Variants in ITPK1 observed in about 807,000 individuals in gnomAD.
ITPK1 encodes the protein inositol 1,3,4-trisphosphate 5/6-kinase.
In ITPK1, 21 loss-of-function variants were observed where a neutral mutation model predicts 45.3. That is an observed-to-expected ratio of 0.46 (90% CI 0.33 to 0.67). ITPK1 has a LOEUF of 0.67. ITPK1 is among the 30% of genes least tolerant of loss of function. The probability of loss-of-function intolerance (pLI) is 0.02; values close to 1 mark genes in which losing one functional copy is unlikely to be tolerated. For missense variants in ITPK1, 474 were observed against 573.5 expected (o/e 0.83, Z 1.77); for synonymous variants, 258 against 253.6 (o/e 1.02, Z -0.16).
rs1887979882 is a variant in ITPK1 at position 92,952,026 on chromosome 14, C to A, written c.671-13G>T. 6.4e-7 allele frequency: 1 copy of A among 1,561,298 alleles called. No homozygotes were observed. Among genetic ancestry groups the A allele is most frequent in the Middle Eastern group, 1.7e-4 (1 of 5,994 alleles). Reference sequence around the variant, plus strand: ...ATGGACTCACGGTCTGAAAAAGCGACAGGAAGGAGCCGGCGTTAGAACCTC... The same window carrying A: ...ATGGACTCACGGTCTGAAAAAGCGAAAGGAAGGAGCCGGCGTTAGAACCTC... On this transcript the variant is annotated splice_polypyrimidine_tract_variant and intron_variant, in intron 8 of 10. Coordinates refer to ENST00000267615, the MANE Select transcript of ITPK1 (RefSeq NM_014216.6).
chr14:92,977,311 G>C (rs544297034), intron 5 of ITPK1, among the ~76,000 whole-genome samples: 1 of 152,220 alleles, frequency 6.6e-6, no homozygotes, highest in Non-Finnish European at 1.5e-5. Context: ...ACATGGCCCT[G>C]GGGGAGGCAG....
intron 2 of ITPK1, among the ~76,000 whole-genome samples, chr14:93,083,717 T>A (rs2139995085): frequency 6.6e-6 from 1 of 152,232 alleles, no homozygotes; most frequent in African/African-American, 2.4e-5. Flanking sequence ...CCTAAACAGA[T>A]GACTAAGCCC....
chr14:93,064,009 C>T (rs1165879948), intron 3 of ITPK1, among the ~76,000 whole-genome samples: 1 of 151,958 alleles, frequency 6.6e-6, no homozygotes, highest in Non-Finnish European at 1.5e-5. Context: ...ATTGGCCGGG[C>T]ATGGTGGCTC....
chr14:93,042,459 G>C (rs1236945343), intron 3 of ITPK1, among the ~76,000 whole-genome samples: 3 of 152,212 alleles, frequency 2.0e-5, no homozygotes, highest in African/African-American at 7.2e-5. Flanking sequence ...TTGCCAAAAG[G>C]ATTTGTTTGA....
chr14:93,103,504 C>G (rs1892405953), intron 2 of ITPK1, among the ~76,000 whole-genome samples: 1 of 152,126 alleles, frequency 6.6e-6, no homozygotes, highest in Admixed American at 6.5e-5. Flanking sequence ...CAAGAGCTCC[C>G]AGTGGTGAGA....
chr14:93,076,785 C>T lies in ITPK1; in HGVS notation c.96-166G>A, dbSNP rs372303642. Among the ~76,000 whole-genome samples, 1 of 152,166 alleles carries T rather than the reference C, an allele frequency of 6.6e-6. No homozygotes were observed. Among genetic ancestry groups the T allele is most frequent in the Admixed American group, 6.5e-5 (1 of 15,284 alleles). ...TCCCAGAACAGCCATGCCTTCCACT[C>T]CCAGCCACTCCTCAAACCACCTTCC... On this transcript the variant is annotated intron_variant, in intron 2 of 10. Coordinates refer to ENST00000267615, the MANE Select transcript of ITPK1 (RefSeq NM_014216.6). This position sits in a 1 kb window ranked among gnomAD's most constrained non-coding sequence, Gnocchi z 4.3.
chr14:92,938,742 G>C lies in ITPK1; in HGVS notation c.*2819C>G. ...CACCAAGGGCAAAGCACCAGTTCCA[G>C]GGTGGCCTCCCCTTGGCTCTTGGGG... is the stretch of plus-strand genomic sequence containing the variant. On this transcript the variant is annotated 3_prime_UTR_variant, in exon 11 of 11. Transcript: ENST00000267615. 1.7e-6 allele frequency: 1 copy of C among 597,414 alleles called. No homozygotes were observed. 37.0% of individuals were successfully genotyped at this position (597,414 alleles called of 1,614,324 possible).
chr14:93,060,605 G>A lies in ITPK1; in HGVS notation c.120+15990C>T, dbSNP rs76298528. Among the ~76,000 whole-genome samples the A allele has an allele frequency of 6.8e-4, 104 of 152,330 alleles. 2 individuals carry two copies. The highest frequency in any genetic ancestry group is 2.5e-3 in the African/African-American group (102 of 41,578). On this transcript the variant is annotated intron_variant, in intron 3 of 10. Coordinates refer to ENST00000267615, the MANE Select transcript of ITPK1 (RefSeq NM_014216.6). Reference sequence around the variant, plus strand: ...GCCCATGCTTGCAAGGTATTAGGGGGCTGATTGTGTGGTAGCCTTGGAAAA... The same window carrying A: ...GCCCATGCTTGCAAGGTATTAGGGGACTGATTGTGTGGTAGCCTTGGAAAA...
At position 93,115,131 on chromosome 14, in the gene ITPK1, G is replaced by C; in HGVS notation, c.33C>G (p.Gly11=). Reference sequence around the variant, plus strand: ...TGATTTTCTTCTCGCTCAGCCAGTAGCCAACTCTCTTCCCTTTCAGAAAGG... The same window carrying C: ...TGATTTTCTTCTCGCTCAGCCAGTACCCAACTCTCTTCCCTTTCAGAAAGG... MQTFLKGKRV[G]YWLSEKKIKK... The change falls in exon 2 of 11, where the codon GGC becomes GGG. Residue 11 remains glycine (G), a synonymous_variant. Coordinates refer to ENST00000267615, the MANE Select transcript of ITPK1 (RefSeq NM_014216.6). 1 of 1,601,786 alleles carries C rather than the reference G, an allele frequency of 6.2e-7. No homozygotes were observed. Among genetic ancestry groups the C allele is most frequent in the African/African-American group, 1.4e-5 (1 of 73,208 alleles).
At chr14:92,999,323 C>G (rs567431608) in intron 4 of ITPK1, among the ~76,000 whole-genome samples, 2 of 152,336 alleles carry the variant, frequency 1.3e-5, no homozygotes, top group Admixed American at 6.5e-5. Flanking sequence ...TTCTCAGGAC[C>G]CTGAGACTCT....
chr14:92,987,426 G>A (rs556329450), intron 5 of ITPK1, among the ~76,000 whole-genome samples: 4 of 152,266 alleles, frequency 2.6e-5, no homozygotes, highest in East Asian at 3.9e-4. Flanking sequence ...TGATGCTTCC[G>A]AGATTCCCAG....
chr14:92,981,530 C>T (rs1886228882), intron 5 of ITPK1, among the ~76,000 whole-genome samples: 1 of 152,202 alleles, frequency 6.6e-6, no homozygotes, highest in Admixed American at 6.5e-5. Context: ...AGCCCATGAC[C>T]CCACCTGCCC....
At chr14:92,981,656 G>T (rs765523132) in intron 5 of ITPK1, among the ~76,000 whole-genome samples, 1 of 152,228 alleles carries the variant, frequency 6.6e-6, no homozygotes, top group African/African-American at 2.4e-5. Flanking sequence ...TTATTGAGCA[G>T]GTACTATGTT....
rs72010726 is a variant in ITPK1, at chr14:93,100,570, G to GAGAC, written c.95+14495_95+14498dup. Among the ~76,000 whole-genome samples the GAGAC allele has an allele frequency of 5.7e-3, 859 of 151,240 alleles. 8 individuals carry two copies. The highest frequency in any genetic ancestry group is 0.019 in the African/African-American group (803 of 41,296). On this transcript the variant is annotated intron_variant, in intron 2 of 10. Coordinates refer to ENST00000267615, the MANE Select transcript of ITPK1 (RefSeq NM_014216.6). ...AGAGAGAGAGAGACAGAGAGAGAGAGAGACAGACAGACAGACAGACCAGGC... is the reference window on the plus strand; with the variant it reads ...AGAGAGAGAGAGACAGAGAGAGAGAGAGACAGACAGACAGACAGACAGACCAGGC...
intron 3 of ITPK1, among the ~76,000 whole-genome samples, chr14:93,057,343 A>G (rs1253078559): frequency 2.0e-5 from 3 of 152,228 alleles, no homozygotes. Context: ...CTGCTGAAAC[A>G]GCACCCAAAG....
At position 92,941,395 on chromosome 14, in the gene ITPK1, C is replaced by T; in HGVS notation, c.*166G>A. 2.1e-6 allele frequency: 3 copies of T among 1,419,490 alleles called. No homozygotes were observed. Among genetic ancestry groups the T allele is most frequent in the African/African-American group, 2.9e-5 (2 of 68,040 alleles). The allele number at this position is 1,419,490 out of a possible 1,614,324, so 87.9% of individuals were successfully genotyped here. On this transcript the variant is annotated 3_prime_UTR_variant, in exon 11 of 11. Coordinates refer to ENST00000267615, the MANE Select transcript of ITPK1 (RefSeq NM_014216.6). ...CCACCTGGTACTCTCTTCCATCCCCCACTACCCCTCATTTAGATCATGACA... is the reference window on the plus strand; with the variant it reads ...CCACCTGGTACTCTCTTCCATCCCCTACTACCCCTCATTTAGATCATGACA...
In ITPK1 at chr14:93,063,052, G is replaced by A. The variant is rs3117486; in HGVS notation, c.120+13543C>T. ...GATTTAACAAGTTCAGTAAATGTGC[G>A]CCCCCACCCCACCCCCATCTCCCAT... On this transcript the variant is annotated intron_variant, in intron 3 of 10. Coordinates refer to ENST00000267615, the MANE Select transcript of ITPK1 (RefSeq NM_014216.6). This position sits in a 1 kb window ranked among gnomAD's most constrained non-coding sequence, Gnocchi z 4.3. Among the ~76,000 whole-genome samples the A allele has an allele frequency of 6.6e-6, 1 of 152,084 alleles. No individual in the cohort carries two copies. The highest frequency in any genetic ancestry group is 2.4e-5 in the African/African-American group (1 of 41,396).
intron 4 of ITPK1, among the ~76,000 whole-genome samples, chr14:92,994,434 A>G (rs1396940937): frequency 6.6e-6 from 1 of 152,220 alleles, no homozygotes; most frequent in African/African-American, 2.4e-5. Flanking sequence ...AACACGCCAC[A>G]GGGTGGGCAC....
At chr14:93,009,744 G>A (rs529220787) in intron 4 of ITPK1, among the ~76,000 whole-genome samples, 6 of 152,274 alleles carry the variant, frequency 3.9e-5, no homozygotes, top group African/African-American at 9.6e-5. Flanking sequence ...TCTGCCTCCC[G>A]TAGCATCTGC....
Sources: allele counts gnomAD v4.1 joint callset (sites outside exome capture counted in the v4.1 genomes callset), GRCh38; gene constraint gnomAD v4.1.1; non-coding constraint Gnocchi (gnomAD v3.1); transcripts MANE v1.5; gene names NCBI Gene and HGNC (gene_info 2026-07-23, HGNC 2026-07-21).